Variants in KLHDC1 observed in about 807,000 individuals in gnomAD.
The protein encoded by KLHDC1 is kelch domain containing 1.
Under a neutral mutation model 68.3 loss-of-function variants are expected in KLHDC1, and 53 were observed. That is an observed-to-expected ratio of 0.78 (90% CI 0.62 to 0.98). KLHDC1 has a LOEUF of 0.98. Ranked by LOEUF, KLHDC1 falls within the 50% of genes least tolerant of loss-of-function variation. KLHDC1 has a pLI of 0.00. For synonymous variants in KLHDC1, 148 were observed against 159.0 expected, an observed-to-expected ratio of 0.93 and a Z score of 0.52; for missense variants, 470 against 492.3, an observed-to-expected ratio of 0.95 and a Z score of 0.43.
intron 8 of KLHDC1, among the ~76,000 whole-genome samples, chr14:49,731,880 A>G (rs1370374917): frequency 6.6e-6 from 1 of 151,984 alleles, no homozygotes; most frequent in African/African-American, 2.4e-5. Context: ...AAATCCTTAG[A>G]GGTTTACCCT....
intron 4 of KLHDC1, among the ~76,000 whole-genome samples, chr14:49,714,269 C>T (rs183879875): frequency 1.3e-4 from 19 of 150,244 alleles, no homozygotes; most frequent in African/African-American, 3.9e-4. Flanking sequence ...GTCAGAAGTT[C>T]GAGACCAGCC....
chr14:49,731,293 AG>A (rs1311772758), intron 8 of KLHDC1, among the ~76,000 whole-genome samples: 1 of 152,180 alleles, frequency 6.6e-6, no homozygotes, highest in Non-Finnish European at 1.5e-5. Context: ...AATAAAAAAA[AG>A]TTTCTTATAA....
chr14:49,740,257 T>C (rs1367786769), intron 11 of KLHDC1, 75 bp downstream of exon 11: 4 of 823,866 alleles, frequency 4.9e-6, no homozygotes, highest in African/African-American at 3.5e-5. Context: ...TCAGCAAGAA[T>C]GTTGATATTC....
At chr14:49,696,909 C>T (rs998582910) in intron 1 of KLHDC1, among the ~76,000 whole-genome samples, 1 of 150,236 alleles carries the variant, frequency 6.7e-6, no homozygotes, top group African/African-American at 2.4e-5. Context: ...ACTTAGAGTC[C>T]ATTGTAGGGT....
intron 5 of KLHDC1, 22 bp from the exon 6 acceptor site, chr14:49,725,664 A>G (rs757365511): frequency 2.5e-6 from 3 of 1,222,006 alleles, no homozygotes; most frequent in African/African-American, 3.1e-5. Context: ...GCTTTGAGAT[A>G]TTTAAAACAT....
chr14:49,701,566 G>GGA (rs1034225452), intron 1 of KLHDC1, among the ~76,000 whole-genome samples: 4 of 152,122 alleles, frequency 2.6e-5, no homozygotes, highest in Non-Finnish European at 2.9e-5. Context: ...GGCTGAGGCA[G>GGA]GAGAATTGCT....
intron 1 of KLHDC1, among the ~76,000 whole-genome samples, chr14:49,702,436 T>G (rs888446906): frequency 3.3e-5 from 5 of 152,164 alleles, no homozygotes; most frequent in African/African-American, 1.2e-4. Context: ...GTAAGATGTG[T>G]TTTCTCTTTA....
At chr14:49,704,124 C>T (rs188854766) in intron 1 of KLHDC1, among the ~76,000 whole-genome samples, 2 of 152,256 alleles carry the variant, frequency 1.3e-5, no homozygotes, top group East Asian at 1.9e-4. Context: ...TCTGGCCTTA[C>T]GTTTTTGCCG....
intron 10 of KLHDC1, among the ~76,000 whole-genome samples, chr14:49,736,931 C>T (rs1304248479): frequency 1.3e-5 from 2 of 152,164 alleles, no homozygotes; most frequent in Admixed American, 6.5e-5. Flanking sequence ...TGAGTCTCAC[C>T]TTAGATAAAC....
At chr14:49,738,367 G>A (rs1032256422) in intron 10 of KLHDC1, among the ~76,000 whole-genome samples, 2 of 141,850 alleles carry the variant, frequency 1.4e-5, no homozygotes, top group African/African-American at 5.2e-5. Flanking sequence ...GAGTCAGAGT[G>A]TAGCTCTGTC....
intron 4 of KLHDC1, among the ~76,000 whole-genome samples, chr14:49,715,247 C>T (rs1458423119): frequency 2.7e-5 from 4 of 150,526 alleles, no homozygotes; most frequent in Middle Eastern, 3.2e-3. Flanking sequence ...CTCAGCCTCC[C>T]GAATAGCTGG....
intron 10 of KLHDC1, among the ~76,000 whole-genome samples, chr14:49,739,883 A>T (rs1050719008): frequency 1.3e-5 from 2 of 152,200 alleles, no homozygotes; most frequent in Non-Finnish European, 2.9e-5. Context: ...AACAAAAACA[A>T]AAAACAGAGA....
intron 4 of KLHDC1, among the ~76,000 whole-genome samples, chr14:49,721,539 T>TC (rs760395933): frequency 5.9e-5 from 9 of 152,292 alleles, no homozygotes; most frequent in Non-Finnish European, 1.0e-4. Flanking sequence ...TGCCCTTTCT[T>TC]CTTTTTTAGG....
At chr14:49,742,072 A>G (rs1889077936) in intron 11 of KLHDC1, among the ~76,000 whole-genome samples, 1 of 152,214 alleles carries the variant, frequency 6.6e-6, no homozygotes, top group African/African-American at 2.4e-5. Context: ...TGAAAGTTTT[A>G]GAGCTTTCTT....
intron 11 of KLHDC1, among the ~76,000 whole-genome samples, chr14:49,741,778 G>C (rs1279861132): frequency 1.3e-5 from 2 of 152,086 alleles, no homozygotes; most frequent in Non-Finnish European, 2.9e-5. Flanking sequence ...TTCAGAGCAG[G>C]GCGGCCATAT....
At chr14:49,709,510 T>G (rs1280773523) in intron 2 of KLHDC1, among the ~76,000 whole-genome samples, 199 bp from the exon 3 acceptor site, 1 of 152,068 alleles carries the variant, frequency 6.6e-6, no homozygotes, top group Admixed American at 6.6e-5. Flanking sequence ...GAAATTTTTG[T>G]GATTTTTTTT....
intron 4 of KLHDC1, among the ~76,000 whole-genome samples, chr14:49,713,829 TATATATATA>T (rs1191613230): frequency 0.14 from 1,361 of 9,908 alleles, 243 homozygotes; most frequent in East Asian, 0.18. Context: ...TATATATATA[TATATATATA>T]TATATATATA....
chr14:49,727,610 C>T (rs893137697), intron 6 of KLHDC1, among the ~76,000 whole-genome samples: 8 of 152,094 alleles, frequency 5.3e-5, no homozygotes, highest in Admixed American at 2.0e-4. Context: ...TTCAGATTTC[C>T]AGTACTCTTC....
chr14:49,727,935 C>T (rs1888712080), intron 6 of KLHDC1, among the ~76,000 whole-genome samples: 1 of 152,136 alleles, frequency 6.6e-6, no homozygotes, highest in Non-Finnish European at 1.5e-5. Flanking sequence ...TACATAAAGG[C>T]ACCCACCATG....
Sources: allele counts gnomAD v4.1 joint callset (sites outside exome capture counted in the v4.1 genomes callset), GRCh38; gene constraint gnomAD v4.1.1; transcripts MANE v1.5; gene names NCBI Gene and HGNC (gene_info 2026-07-23, HGNC 2026-07-21).